RBFOX1: variants seen among roughly 807,000 people sequenced by gnomAD.
The protein encoded by RBFOX1 is RNA binding protein fox-1 homolog 1.
Under a neutral mutation model 57.7 loss-of-function variants are expected in RBFOX1, and 8 were observed. That is an observed-to-expected ratio of 0.14 (90% CI 0.08 to 0.25). The LOEUF is 0.25. Ranked by LOEUF, RBFOX1 falls within the 10% of genes least tolerant of loss-of-function variation. RBFOX1 has a pLI of 1.00. For synonymous variants in RBFOX1, 326 were observed against 222.4 expected, an observed-to-expected ratio of 1.47 and a Z score of -4.15; for missense variants, 611 against 548.5, an observed-to-expected ratio of 1.11 and a Z score of -1.14.
At chr16:7,376,184 A>T (rs1029633913) in intron 4 of RBFOX1, among the ~76,000 whole-genome samples, 4 of 152,222 alleles carry the variant, frequency 2.6e-5, no homozygotes, top group Non-Finnish European at 5.9e-5. Flanking sequence ...TTTATGAGCT[A>T]TGTCAATATA....
At chr16:6,427,204 A>G (rs1223260412) in intron 2 of RBFOX1, among the ~76,000 whole-genome samples, 2 of 152,226 alleles carry the variant, frequency 1.3e-5, no homozygotes, top group Non-Finnish European at 2.9e-5. Context: ...TGCATTGATA[A>G]TGTGCCCTCT....
intron 2 of RBFOX1, among the ~76,000 whole-genome samples, chr16:6,327,759 A>G (rs2082542990): frequency 1.3e-5 from 2 of 152,330 alleles, no homozygotes; most frequent in African/African-American, 4.8e-5. Flanking sequence ...TGATTTCTAT[A>G]CAGATTCAAG....
chr16:6,575,898 G>T (rs34044590), intron 2 of RBFOX1, among the ~76,000 whole-genome samples: 16,892 of 132,402 alleles, frequency 0.13, 1,213 homozygotes, highest in East Asian at 0.41. Context: ...AATAAATAAA[G>T]ATTAATAAAA....
intron 2 of RBFOX1, among the ~76,000 whole-genome samples, chr16:6,341,932 C>A (rs1033354967): frequency 2.6e-5 from 4 of 152,318 alleles, no homozygotes; most frequent in African/African-American, 9.6e-5. Context: ...AGAATAATTT[C>A]TTGCGTAAGG....
At chr16:7,311,017 C>T (rs1050624520) in intron 4 of RBFOX1, among the ~76,000 whole-genome samples, 9 of 152,216 alleles carry the variant, frequency 5.9e-5, no homozygotes, top group African/African-American at 2.2e-4. Flanking sequence ...GGAATTACTC[C>T]TTCCGCTACC....
chr16:6,934,851 C>G lies in RBFOX1; in HGVS notation c.-15-117206C>G, dbSNP rs145585450. Among the ~76,000 whole-genome samples, 1,331 of 151,988 alleles carry G rather than the reference C, an allele frequency of 8.8e-3. 19 individuals are homozygous for G. The highest frequency in any genetic ancestry group is 0.014 in the Non-Finnish European group (929 of 67,976). ...AGGTAATCCCAGCACTTTGGAAGGC[C>G]GAGGCTGGCAGATGACTTGAGCTCA... On this transcript the variant is annotated intron_variant, in intron 3 of 15. Coordinates refer to ENST00000550418, the MANE Select transcript of RBFOX1 (RefSeq NM_018723.4).
chr16:6,819,485 C>T (rs1380513484), intron 3 of RBFOX1, among the ~76,000 whole-genome samples: 3 of 152,126 alleles, frequency 2.0e-5, no homozygotes, highest in African/African-American at 4.8e-5. Context: ...GGGCGGATCA[C>T]CTGAGGTCGG....
At chr16:6,340,315 G>A (rs1431865376) in intron 2 of RBFOX1, among the ~76,000 whole-genome samples, 1 of 152,094 alleles carries the variant, frequency 6.6e-6, no homozygotes, top group Non-Finnish European at 1.5e-5. Context: ...TTAGTTACTG[G>A]TGTTACCGAA....
In RBFOX1 at chr16:5,566,642, GTGTATATATGTGTATA is replaced by G. The variant is rs1326266809; in HGVS notation, c.259-32258_259-32243del. Among the ~76,000 whole-genome samples the G allele has an allele frequency of 4.8e-3, 662 of 138,132 alleles. 5 individuals carry two copies. The highest frequency in any genetic ancestry group is 0.025 in the Middle Eastern group (7 of 278). 90.6% of individuals were successfully genotyped at this position (138,132 alleles called of 152,430 possible). The stretch of plus-strand genomic sequence containing the variant: ...TATGTATGTATATATGTGTATATGT[GTGTATATATGTGTATA>G]TATGTATATGTGTGTATATATGTGT... On this transcript the variant is annotated intron_variant, in intron 2 of 2. Transcript: ENST00000585867.
At chr16:5,837,606 CT>C (rs35808036) in intron 3 of RBFOX1, among the ~76,000 whole-genome samples, 56,281 of 143,666 alleles carry the variant, frequency 0.39, 11,092 homozygotes, top group East Asian at 0.61. Flanking sequence ...CCAGCCCCCT[CT>C]TTTTTTTTTT....
At chr16:6,441,168 T>C (rs1420867040) in intron 2 of RBFOX1, among the ~76,000 whole-genome samples, 1 of 152,044 alleles carries the variant, frequency 6.6e-6, no homozygotes, top group Non-Finnish European at 1.5e-5. Flanking sequence ...GGTGAGTGGA[T>C]GGCAGCTGTA....
chr16:6,988,639 C>T (rs888739937), intron 3 of RBFOX1, among the ~76,000 whole-genome samples: 22 of 151,698 alleles, frequency 1.5e-4, no homozygotes, highest in Admixed American at 5.3e-4. Context: ...GTGGTGCGAT[C>T]TCGGCTCACT....
chr16:5,239,752 C>T (rs2062115759), upstream of RBFOX1: 7 of 167,956 alleles, frequency 4.2e-5, no homozygotes, highest in Non-Finnish European at 7.1e-5. Context: ...CGCGGAGGAG[C>T]CCGCGCCGGC....
At chr16:6,801,439 G>A (rs1235552446) in intron 3 of RBFOX1, among the ~76,000 whole-genome samples, 1 of 152,068 alleles carries the variant, frequency 6.6e-6, no homozygotes, top group African/African-American at 2.4e-5. Flanking sequence ...TAAGCAAAAC[G>A]GGCACATGTG....
chr16:7,498,509 C>G (rs762731876), intron 4 of RBFOX1, among the ~76,000 whole-genome samples: 5 of 151,934 alleles, frequency 3.3e-5, no homozygotes, highest in South Asian at 2.1e-4. Flanking sequence ...ATTTTAATTT[C>G]AATATTTTAT....
intron 3 of RBFOX1, among the ~76,000 whole-genome samples, chr16:6,676,507 G>C (rs2057715483): frequency 6.6e-6 from 1 of 151,960 alleles, no homozygotes; most frequent in South Asian, 2.1e-4. Context: ...TGAAAACTTT[G>C]ACTTGATCAT....
chr16:7,599,867 G>C (rs1250758819), intron 9 of RBFOX1, among the ~76,000 whole-genome samples: 1 of 151,512 alleles, frequency 6.6e-6, no homozygotes, highest in Non-Finnish European at 1.5e-5. Flanking sequence ...GAACTCCTGA[G>C]CTCAAGTGAT....
At chr16:7,709,542 A>C (rs1025669322) in intron 15 of RBFOX1, 6 of 1,532,420 alleles carry the variant, frequency 3.9e-6, no homozygotes, top group South Asian at 1.2e-5. Context: ...TAAGCTGCAC[A>C]CTTCCAGGCC....
At chr16:7,234,638 ATGTG>A (rs984937657) in intron 4 of RBFOX1, among the ~76,000 whole-genome samples, 2 of 148,366 alleles carry the variant, frequency 1.3e-5, no homozygotes, top group African/African-American at 2.5e-5. Context: ...GCTTGTGTAT[ATGTG>A]TGTGTTTGTG....
Sources: gnomAD v4.1 joint callset for allele counts (sites outside exome capture counted in the v4.1 genomes callset) on GRCh38, gnomAD v4.1.1 for gene constraint, MANE v1.5 for transcripts, NCBI Gene and HGNC (gene_info 2026-07-23, HGNC 2026-07-21) for gene names.